The following NRXN3 variants were observed in gnomAD, a reference collection of about 807,000 sequenced individuals.
NRXN3 encodes the protein neurexin III.
NRXN3 carries 32 observed loss-of-function variants against 137.6 expected under a neutral mutation model. The ratio of observed to expected loss-of-function variants is 0.23; its 90% CI spans 0.18 to 0.31. The LOEUF is 0.31. Among genes scored for constraint, NRXN3 ranks in the 10% least tolerant of loss-of-function variants. NRXN3 has a pLI of 1.00. For synonymous variants in NRXN3, 798 were observed against 784.5 expected (o/e 1.02, Z -0.29); for missense variants, 1,574 against 2,062.5 (o/e 0.76, Z 4.59).
chr14:79,280,167 C>A (rs913344758), intron 15 of NRXN3: 2 of 1,508,582 alleles, frequency 1.3e-6, no homozygotes, highest in African/African-American at 2.8e-5. Flanking sequence ...CATATTGCTT[C>A]CCTCTTCCCC....
intron 15 of NRXN3, among the ~76,000 whole-genome samples, chr14:79,115,380 G>A (rs1463603118): frequency 6.6e-6 from 1 of 150,822 alleles, no homozygotes; most frequent in Non-Finnish European, 1.5e-5. Context: ...TCCAGTAAGA[G>A]AATCCTTTAT....
At chr14:79,130,037 C>T (rs1468402906) in intron 15 of NRXN3, among the ~76,000 whole-genome samples, 2 of 151,930 alleles carry the variant, frequency 1.3e-5, no homozygotes, top group African/African-American at 4.8e-5. Context: ...CTTGGTAGAT[C>T]TTCCTTCATC....
At chr14:78,506,701 C>T (rs1321244743) in intron 4 of NRXN3, among the ~76,000 whole-genome samples, 1 of 126,092 alleles carries the variant, frequency 7.9e-6, no homozygotes, top group Non-Finnish European at 1.6e-5. Flanking sequence ...CTATGTTGTA[C>T]AGGCTGGAGG....
At chr14:78,344,336 G>T (rs759002192) in intron 4 of NRXN3, among the ~76,000 whole-genome samples, 1 of 152,128 alleles carries the variant, frequency 6.6e-6, no homozygotes, top group Non-Finnish European at 1.5e-5. Context: ...ACCAATGAGG[G>T]CCCACAAATA....
At position 79,754,099 on chromosome 14, in the gene NRXN3, A is replaced by G. The variant is rs2099009012; in HGVS notation, c.4015-51013A>G. Among the ~76,000 whole-genome samples, 4 of 152,042 alleles carry G rather than the reference A, an allele frequency of 2.6e-5. No individual in the cohort carries two copies. The South Asian group carries it at 8.3e-4, about 32-fold the overall frequency. On this transcript the variant is annotated intron_variant, in intron 19 of 20. Transcript: ENST00000335750. ...CACTTTGGGAGGCCGAGGCAGGTGG[A>G]TCACGTAAGGTTGGGAGTTCAAGAC...
At chr14:78,357,457 A>C (rs1187751875) in intron 4 of NRXN3, among the ~76,000 whole-genome samples, 2 of 152,186 alleles carry the variant, frequency 1.3e-5, no homozygotes, top group Non-Finnish European at 2.9e-5. Context: ...GAGCCATATC[A>C]TATCAAGGGA....
chr14:78,439,439 C>G (rs989633215), intron 4 of NRXN3, among the ~76,000 whole-genome samples: 38 of 152,142 alleles, frequency 2.5e-4, no homozygotes, highest in African/African-American at 8.7e-4. Flanking sequence ...GTTTAGCGCT[C>G]TTTGGGAATT....
intron 15 of NRXN3, among the ~76,000 whole-genome samples, chr14:79,013,301 A>G (rs1237139527): frequency 6.6e-6 from 1 of 152,132 alleles, no homozygotes; most frequent in Non-Finnish European, 1.5e-5. Flanking sequence ...AACCATTGTG[A>G]ATTTATTCTA....
chr14:79,361,934 T>G (rs913678459), intron 15 of NRXN3, among the ~76,000 whole-genome samples: 12 of 151,694 alleles, frequency 7.9e-5, no homozygotes, highest in Non-Finnish European at 1.3e-4. Flanking sequence ...TTCAGTGCTT[T>G]TACAAATGTA....
In NRXN3 at chr14:78,887,966, C is replaced by G. The variant is rs534331418; in HGVS notation, c.2276-69276C>G. ...TTGCCTCTGACTTCCTAGAAGTGGC[C>G]TCTGGGCCGTCTTTATTTATTAAAT... is the stretch of plus-strand genomic sequence containing the variant. On this transcript the variant is annotated intron_variant, in intron 10 of 20. Coordinates refer to ENST00000335750, the MANE Select transcript of NRXN3 (RefSeq NM_001330195.2). Among the ~76,000 whole-genome samples, 73 of 152,126 alleles carry G rather than the reference C, an allele frequency of 4.8e-4. 1 individual carries two copies. Among genetic ancestry groups the G allele is most frequent in the Middle Eastern group, 3.4e-3 (1 of 294 alleles).
At chr14:78,999,972 T>A (rs1300936556) in intron 15 of NRXN3, among the ~76,000 whole-genome samples, 7 of 152,324 alleles carry the variant, frequency 4.6e-5, no homozygotes, top group East Asian at 3.9e-4. Flanking sequence ...TACTACATGA[T>A]TGAAGAAGTT....
intron 15 of NRXN3, among the ~76,000 whole-genome samples, chr14:79,127,399 G>A (rs1300690379): frequency 1.3e-5 from 2 of 152,052 alleles, no homozygotes; most frequent in African/African-American, 4.8e-5. Context: ...CATATGGCTA[G>A]CCAGTTTTCC....
chr14:78,803,512 A>G (rs1212648830), intron 8 of NRXN3, 108 bp from the exon 9 acceptor site: 3 of 962,936 alleles, frequency 3.1e-6, no homozygotes, highest in Non-Finnish European at 5.0e-6. Flanking sequence ...ACAAGTCACT[A>G]GGCTACAAAT....
At chr14:78,981,001 A>T (rs2099487949) in intron 14 of NRXN3, among the ~76,000 whole-genome samples, 1 of 152,130 alleles carries the variant, frequency 6.6e-6, no homozygotes, top group Admixed American at 6.5e-5. Flanking sequence ...ATTAATAATG[A>T]CAATGATAAA....
chr14:78,725,070 A>G (rs1283372859), intron 8 of NRXN3, among the ~76,000 whole-genome samples: 1 of 152,218 alleles, frequency 6.6e-6, no homozygotes, highest in Non-Finnish European at 1.5e-5. Flanking sequence ...GACAAACCCC[A>G]ACAGAGCCTT....
Position 79,438,882 on chromosome 14 carries a change from G to A in NRXN3, c.3263-28339G>A, listed in dbSNP as rs1015287368. On this transcript the variant is annotated intron_variant, in intron 15 of 20. Transcript: ENST00000335750. ...AAGCCCGATGACTTCACTTATGCCC[G>A]GCTGATCACCCAAGTGTACAGTTAG... is the stretch of plus-strand genomic sequence containing the variant. 3.3e-5 allele frequency among the ~76,000 whole-genome samples: 5 copies of A among 152,312 alleles called. No individual in the cohort carries two copies. In the East Asian group the frequency reaches 5.8e-4, roughly 18 times the overall value.
intron 15 of NRXN3, among the ~76,000 whole-genome samples, chr14:79,311,567 A>T (rs2087302436): frequency 8.9e-6 from 1 of 112,532 alleles, no homozygotes; most frequent in Non-Finnish European, 1.8e-5. Context: ...CTGGTCCTGG[A>T]CTCTTTTTGG....
At chr14:79,727,549 C>A (rs2098898473) in intron 19 of NRXN3, among the ~76,000 whole-genome samples, 1 of 151,954 alleles carries the variant, frequency 6.6e-6, no homozygotes, top group African/African-American at 2.4e-5. Context: ...GGAACAGAGC[C>A]CAAATGACTT....
At chr14:79,660,737 G>C (rs779804472) in intron 16 of NRXN3, among the ~76,000 whole-genome samples, 5 of 152,110 alleles carry the variant, frequency 3.3e-5, no homozygotes, top group Non-Finnish European at 7.4e-5. Context: ...TGACTTAGGG[G>C]TGAATTGAAT....
Sources: allele counts gnomAD v4.1 joint callset (sites outside exome capture counted in the v4.1 genomes callset), GRCh38; gene constraint gnomAD v4.1.1; transcripts MANE v1.5; gene names NCBI Gene and HGNC (gene_info 2026-07-23, HGNC 2026-07-21).